RBM19: variants seen among roughly 807,000 people sequenced by gnomAD.
The protein encoded by RBM19 is probable RNA-binding protein 19.
In RBM19, 94 loss-of-function variants were observed where a neutral mutation model predicts 116.8. The ratio of observed to expected loss-of-function variants is 0.80; its 90% CI spans 0.68 to 0.95. RBM19 has a LOEUF of 0.95. Among genes scored for constraint, RBM19 ranks in the 40% least tolerant of loss-of-function variants. RBM19 has a pLI of 0.00. For synonymous variants in RBM19, 475 were observed against 494.1 expected (o/e 0.96, Z 0.51); for missense variants, 1,161 against 1,220.7 (o/e 0.95, Z 0.73).
intron 21 of RBM19, among the ~76,000 whole-genome samples, chr12:113,889,715 G>A (rs969295607): frequency 2.0e-5 from 3 of 151,436 alleles, no homozygotes; most frequent in African/African-American, 4.9e-5. Context: ...AACAAACAAC[G>A]AATTTTAAAC....
intron 21 of RBM19, among the ~76,000 whole-genome samples, chr12:113,872,142 A>C: frequency 3.1e-5 from 4 of 128,612 alleles, no homozygotes; most frequent in Non-Finnish European, 5.0e-5. Flanking sequence ...CCGGCCGCCC[A>C]TCGTCTGAGA....
intron 23 of RBM19, among the ~76,000 whole-genome samples, chr12:113,833,593 G>A (rs757638900): frequency 5.9e-5 from 9 of 152,166 alleles, no homozygotes; most frequent in Non-Finnish European, 1.2e-4. Flanking sequence ...TCTGCTACCT[G>A]GGATGGTTCT....
chr12:113,966,199 G>A lies in RBM19; in HGVS notation c.29C>T (p.Pro10Leu), dbSNP rs766244106. Residue 10 changes from proline (P) to leucine (L), a missense_variant, in exon 1 of 24, where the codon CCG (proline) becomes CTG (leucine). Transcript: ENST00000261741. Reference protein sequence around the residue: MSRLIVKNLPNGMKEERFRQ... With the variant: MSRLIVKNLLNGMKEERFRQ... ...TCCTGCCTCTGCACTCACCCCATTC[G>A]GGAGATTCTTCACGATCAGTCGCGA... The A allele has an allele frequency of 1.2e-6, 2 of 1,614,214 alleles. No individual in the cohort carries two copies. Among genetic ancestry groups the A allele is most frequent in the South Asian group, 1.1e-5 (1 of 91,084 alleles).
downstream of RBM19, among the ~76,000 whole-genome samples, chr12:113,819,622 AAAC>A (rs1158512065): frequency 6.6e-6 from 1 of 152,110 alleles, no homozygotes; most frequent in Non-Finnish European, 1.5e-5. Flanking sequence ...ATTGCTTCAA[AAAC>A]AACCGAAGCC....
intron 21 of RBM19, among the ~76,000 whole-genome samples, chr12:113,896,792 A>G (rs1159459395): frequency 1.3e-5 from 2 of 152,178 alleles, no homozygotes; most frequent in Non-Finnish European, 2.9e-5. Context: ...TTCTGGCTCT[A>G]TTACAACAAA....
chr12:113,871,111 T>C (rs1565987484), intron 21 of RBM19, among the ~76,000 whole-genome samples: 1 of 152,186 alleles, frequency 6.6e-6, no homozygotes, highest in Non-Finnish European at 1.5e-5. Context: ...CACATGATGT[T>C]AAGGCTATGT....
At chr12:113,867,557 G>A (rs955548219) in intron 21 of RBM19, among the ~76,000 whole-genome samples, 4 of 152,276 alleles carry the variant, frequency 2.6e-5, no homozygotes, top group African/African-American at 9.6e-5. Flanking sequence ...TATATGTACA[G>A]TTTAAAACTG....
At chr12:113,827,330 G>T (rs1874955930) in intron 23 of RBM19, among the ~76,000 whole-genome samples, 1 of 149,776 alleles carries the variant, frequency 6.7e-6, no homozygotes, top group Non-Finnish European at 1.5e-5. Context: ...CCCCAGTCCT[G>T]CCCCCCTCCC....
At chr12:113,937,778 A>G (rs2135900992) in intron 15 of RBM19, among the ~76,000 whole-genome samples, 1 of 142,688 alleles carries the variant, frequency 7.0e-6, no homozygotes, top group Admixed American at 7.1e-5. Flanking sequence ...AAAAAAAAAA[A>G]GAGGGGCCCT....
chr12:113,896,748 G>T (rs930373907), intron 21 of RBM19, among the ~76,000 whole-genome samples: 1 of 152,080 alleles, frequency 6.6e-6, no homozygotes, highest in African/African-American at 2.4e-5. Context: ...ACGAAGAGTC[G>T]AAACAAAATG....
chr12:113,900,931 T>C (rs1438978649), intron 21 of RBM19, among the ~76,000 whole-genome samples: 2 of 152,172 alleles, frequency 1.3e-5, no homozygotes, highest in African/African-American at 4.8e-5. Context: ...AGATCTTAAA[T>C]AGGGCAGGGC....
intron 21 of RBM19, among the ~76,000 whole-genome samples, chr12:113,882,394 T>C (rs894564200): frequency 1.3e-5 from 2 of 152,022 alleles, no homozygotes; most frequent in African/African-American, 4.8e-5. Context: ...TCCATGGGAG[T>C]TCAAGGCTCT....
chr12:113,869,527 C>T (rs1175622119), intron 21 of RBM19, among the ~76,000 whole-genome samples: 2 of 152,182 alleles, frequency 1.3e-5, no homozygotes, highest in African/African-American at 2.4e-5. Context: ...CACTTTCTCC[C>T]CCTCTAGTCT....
chr12:113,966,314 C>T lies in RBM19; in HGVS notation c.-87G>A. Reference sequence around the variant, plus strand: ...ACGCTACCGCCCTGGGCGCCGCCATCTTTACCGAGCCGGAACACAGTCACG... The same window carrying T: ...ACGCTACCGCCCTGGGCGCCGCCATTTTTACCGAGCCGGAACACAGTCACG... On this transcript the variant is annotated 5_prime_UTR_variant, in exon 1 of 24. Transcript: ENST00000261741. 1 of 1,550,532 alleles carries T rather than the reference C, an allele frequency of 6.4e-7. No homozygotes were observed. The highest frequency in any genetic ancestry group is 8.9e-7 in the Non-Finnish European group (1 of 1,123,016).
chr12:113,955,088 T>C, intron 7 of RBM19, 43 bp downstream of exon 7: 1 of 1,597,664 alleles, frequency 6.3e-7, no homozygotes, highest in Middle Eastern at 1.9e-4. Flanking sequence ...CCTCGTCTCC[T>C]GCTCCCGCAG....
At chr12:113,840,620 G>C (rs1179364494) in intron 23 of RBM19, among the ~76,000 whole-genome samples, 2 of 152,246 alleles carry the variant, frequency 1.3e-5, no homozygotes, top group Non-Finnish European at 2.9e-5. Flanking sequence ...GGGATGGCCT[G>C]ATGGGAGGCC....
chr12:113,941,237 C>T (rs768977391), intron 14 of RBM19, among the ~76,000 whole-genome samples: 74 of 152,272 alleles, frequency 4.9e-4, no homozygotes, highest in Middle Eastern at 3.4e-3. Flanking sequence ...GGAGTGAAAA[C>T]CATCTGCAGG....
chr12:113,927,135 T>C lies in RBM19; in HGVS notation c.2163A>G (p.Glu721=), dbSNP rs1207547018. The stretch of plus-strand genomic sequence containing the variant: ...ATCCTGGGAGGCTCTCTTCTTCTTC[T>C]TCCTCTTCCTCCTCCTCCTCTTCCA... ...AKMEEEEEEE[E]EEEESLPGCT... is the part of the protein sequence containing the mutation. Residue 721 remains glutamate, a synonymous_variant, in exon 17 of 24, where the codon GAA becomes GAG. Coordinates refer to ENST00000261741, the MANE Select transcript of RBM19 (RefSeq NM_016196.4). The C allele has an allele frequency of 1.2e-6, 2 of 1,611,660 alleles. No individual in the cohort carries two copies. The highest frequency in any genetic ancestry group is 1.7e-6 in the Non-Finnish European group (2 of 1,179,020).
chr12:113,940,042 G>A lies in RBM19; in HGVS notation c.1856C>T (p.Pro619Leu), dbSNP rs1161994220. The change falls in exon 15 of 24, where the codon CCA becomes CTA. Residue 619 changes from proline (P) to leucine (L), a missense_variant. By Grantham distance (98) the Pro-to-Leu change is moderately conservative. Transcript: ENST00000261741. Reference protein sequence around the residue: ...HFGSLGRVLLPEGGITAIVEF... With the variant: ...HFGSLGRVLLLEGGITAIVEF... ...CACGATGGCAGTGATTCCGCCCTCTGGCAGCAGCACGCGGCCCAGGCTGCC... is the reference window on the plus strand; with the variant it reads ...CACGATGGCAGTGATTCCGCCCTCTAGCAGCAGCACGCGGCCCAGGCTGCC... 6.2e-7 allele frequency: 1 copy of A among 1,614,112 alleles called. No individual in the cohort carries two copies.
Sources: allele counts gnomAD v4.1 joint callset (sites outside exome capture counted in the v4.1 genomes callset), GRCh38; gene constraint gnomAD v4.1.1; transcripts MANE v1.5; gene names NCBI Gene and HGNC (gene_info 2026-07-23, HGNC 2026-07-21).